The following NTN1 variants were observed in gnomAD, a reference collection of about 807,000 sequenced individuals.
NTN1 encodes netrin-1.
NTN1 carries 11 observed loss-of-function variants against 54.2 expected under a neutral mutation model. That is an observed-to-expected ratio of 0.20 (90% CI 0.13 to 0.34). The LOEUF is 0.34. NTN1 is among the 10% of genes least tolerant of loss of function. The pLI is 1.00. For synonymous variants in NTN1, 371 were observed against 382.0 expected (o/e 0.97, Z 0.33); for missense variants, 740 against 893.1 (o/e 0.83, Z 2.18).
rs1376620666 is a variant in NTN1 at position 9,022,654 on chromosome 17, G to A, written c.281G>A (p.Cys94Tyr). 1 of 1,565,850 alleles carries A rather than the reference G, an allele frequency of 6.4e-7. No individual in the cohort carries two copies. Among genetic ancestry groups the A allele is most frequent in the East Asian group, 2.4e-5 (1 of 41,402 alleles). Residue 94 changes from cysteine (C) to tyrosine (Y), a missense_variant, in exon 2 of 7, where the codon TGC (cysteine) becomes TAC (tyrosine). Transcript: ENST00000173229. ...GEERLRSCHL[C>Y]NASDPKKAHP... is the part of the protein sequence containing the mutation. ...GAGCGGCTGCGCTCGTGCCACCTCT[G>A]CAACGCGTCCGACCCCAAGAAGGCG...
intron 2 of NTN1, among the ~76,000 whole-genome samples, chr17:9,025,339 C>T (rs1364484390): frequency 6.6e-6 from 1 of 152,198 alleles, no homozygotes; most frequent in Non-Finnish European, 1.5e-5. Flanking sequence ...ACTAACTATG[C>T]ACACAAATTG....
At chr17:9,207,108 T>A (rs937992654) in intron 5 of NTN1, among the ~76,000 whole-genome samples, 3 of 152,180 alleles carry the variant, frequency 2.0e-5, no homozygotes, top group Non-Finnish European at 4.4e-5. Context: ...AAATATTTAT[T>A]GAGGGCTTGT....
chr17:9,210,464 ACACT>A (rs1422928666), intron 5 of NTN1, among the ~76,000 whole-genome samples: 2 of 133,442 alleles, frequency 1.5e-5, no homozygotes, highest in South Asian at 2.6e-4. Context: ...ACACACACAC[ACACT>A]CTTCTGCTGT....
chr17:9,131,850 C>A (rs1353265933), intron 2 of NTN1, among the ~76,000 whole-genome samples: 1 of 152,084 alleles, frequency 6.6e-6, no homozygotes, highest in East Asian at 1.9e-4. Flanking sequence ...GTTGCCCAGG[C>A]TGGAGTGCAG....
intron 6 of NTN1, among the ~76,000 whole-genome samples, chr17:9,228,860 A>G (rs1253863418): frequency 5.0e-3 from 248 of 49,294 alleles, no homozygotes; most frequent in African/African-American, 0.017. Context: ...GTGACTGTGT[A>G]TGAGAGTGTG....
At chr17:9,185,488 C>T (rs2092430529) in intron 5 of NTN1, among the ~76,000 whole-genome samples, 2 of 152,242 alleles carry the variant, frequency 1.3e-5, no homozygotes, top group African/African-American at 4.8e-5. Context: ...CTGAACTCAT[C>T]CCCTTGAAGG....
intron 2 of NTN1, among the ~76,000 whole-genome samples, chr17:9,144,871 A>G (rs944399446): frequency 2.0e-5 from 3 of 152,186 alleles, no homozygotes; most frequent in African/African-American, 7.2e-5. Flanking sequence ...ACCACAGACC[A>G]GTGTCCCTGC....
chr17:9,203,001 A>G (rs1217288406), intron 5 of NTN1, among the ~76,000 whole-genome samples: 1 of 152,072 alleles, frequency 6.6e-6, no homozygotes, highest in Non-Finnish European at 1.5e-5. Flanking sequence ...CGCTCACTGC[A>G]AGCTCCGCCT....
intron 2 of NTN1, among the ~76,000 whole-genome samples, chr17:9,116,562 C>A (rs2092213459): frequency 6.6e-6 from 1 of 152,128 alleles, no homozygotes; most frequent in Non-Finnish European, 1.5e-5. Flanking sequence ...GCTTAAAATC[C>A]CAGGGCTTTC....
At chr17:9,227,621 AGACT>A (rs2142365298) in intron 6 of NTN1, among the ~76,000 whole-genome samples, 1 of 17,350 alleles carries the variant, frequency 5.8e-5, no homozygotes, top group Non-Finnish European at 1.0e-4. Context: ...TCAGATACAC[AGACT>A]ATCACGCACA....
intron 2 of NTN1, among the ~76,000 whole-genome samples, chr17:9,122,843 C>A (rs940670669): frequency 3.9e-5 from 6 of 152,176 alleles, no homozygotes; most frequent in Admixed American, 3.9e-4. Context: ...TTGTTTCCAT[C>A]TTTCCACTTT....
intron 2 of NTN1, among the ~76,000 whole-genome samples, chr17:9,050,906 T>A (rs1161795833): frequency 3.3e-5 from 5 of 152,118 alleles, no homozygotes; most frequent in African/African-American, 1.2e-4. Flanking sequence ...CCCAGAGATA[T>A]TTTCTCCATG....
intron 2 of NTN1, among the ~76,000 whole-genome samples, chr17:9,094,647 A>G (rs950500770): frequency 2.0e-5 from 3 of 152,084 alleles, no homozygotes; most frequent in Non-Finnish European, 4.4e-5. Flanking sequence ...AACCTCACTG[A>G]GGCTGTGTAT....
intron 5 of NTN1, among the ~76,000 whole-genome samples, chr17:9,195,595 C>A (rs370636887): frequency 6.6e-6 from 1 of 152,160 alleles, no homozygotes; most frequent in East Asian, 1.9e-4. Context: ...ATGCAGAGAA[C>A]CCCCAGGTGG....
intron 2 of NTN1, among the ~76,000 whole-genome samples, chr17:9,137,592 A>G (rs2092284863): frequency 6.6e-6 from 1 of 152,184 alleles, no homozygotes; most frequent in South Asian, 2.1e-4. Context: ...CAGGAGTTCG[A>G]GACCAGCCTG....
intron 2 of NTN1, among the ~76,000 whole-genome samples, chr17:9,090,298 C>T (rs1382641364): frequency 2.0e-5 from 3 of 151,914 alleles, no homozygotes; most frequent in Non-Finnish European, 4.4e-5. Context: ...GCCTCAGCCT[C>T]CCAAGTAGCT....
chr17:9,082,588 G>A (rs1487894864), intron 2 of NTN1, among the ~76,000 whole-genome samples: 1 of 152,206 alleles, frequency 6.6e-6, no homozygotes, highest in Non-Finnish European at 1.5e-5. Flanking sequence ...AGAGTGTGGG[G>A]CCGTGAGCAG....
intron 2 of NTN1, among the ~76,000 whole-genome samples, chr17:9,040,008 A>G (rs1041368901): frequency 2.6e-5 from 4 of 152,238 alleles, no homozygotes; most frequent in African/African-American, 9.6e-5. Context: ...AATACCTAAG[A>G]GTGGATTGGC....
chr17:9,164,186 AGGCCAAGACG>A (rs1334046099), intron 3 of NTN1, among the ~76,000 whole-genome samples: 4 of 152,202 alleles, frequency 2.6e-5, no homozygotes, highest in African/African-American at 7.2e-5. Flanking sequence ...GCACTTTGGG[AGGCCAAGACG>A]GGCGGATCAC....
Sources: gnomAD v4.1 joint callset for allele counts (sites outside exome capture counted in the v4.1 genomes callset) on GRCh38, gnomAD v4.1.1 for gene constraint, MANE v1.5 for transcripts, NCBI Gene and HGNC (gene_info 2026-07-23, HGNC 2026-07-21) for gene names.